SLC38A9: variants seen among roughly 807,000 people sequenced by gnomAD.
The protein encoded by SLC38A9 is neutral amino acid transporter 9.
In SLC38A9, 48 loss-of-function variants were observed where a neutral mutation model predicts 62.3. The observed-to-expected ratio is 0.77, with a 90% CI of 0.61 to 0.98. SLC38A9 has a LOEUF of 0.98. Ranked by LOEUF, SLC38A9 falls within the 50% of genes least tolerant of loss-of-function variation. SLC38A9 has a pLI of 0.00. For missense variants in SLC38A9, 541 were observed against 679.8 expected (o/e 0.80, Z 2.27); for synonymous variants, 204 against 227.7 (o/e 0.90, Z 0.94).
In SLC38A9 at chr5:55,656,708, T is replaced by C; in HGVS notation, c.757+7A>G. ...TAAAGAAACAAACAACATCCCAAAC[T>C]ACTTACCAGGGTTGCTATTATTGGT... On this transcript the variant is annotated splice_region_variant and intron_variant, in intron 9 of 15. Coordinates refer to ENST00000396865, the MANE Select transcript of SLC38A9 (RefSeq NM_173514.4). 1.3e-6 allele frequency: 2 copies of C among 1,589,224 alleles called. No homozygotes were observed. Among genetic ancestry groups the C allele is most frequent in the East Asian group, 2.2e-5 (1 of 44,644 alleles).
intron 7 of SLC38A9, among the ~76,000 whole-genome samples, chr5:55,667,968 C>T (rs949408461): frequency 2.0e-5 from 3 of 152,068 alleles, no homozygotes; most frequent in East Asian, 1.9e-4. Flanking sequence ...CCCAGTAGTT[C>T]GAGACCAACT....
chr5:55,682,800 A>G (rs1478334661), intron 3 of SLC38A9, among the ~76,000 whole-genome samples: 1 of 152,164 alleles, frequency 6.6e-6, no homozygotes, highest in African/African-American at 2.4e-5. Flanking sequence ...ATACACATAA[A>G]ATTAAGTATT....
At chr5:55,633,510 T>A in intron 14 of SLC38A9, 1 of 419,022 alleles carries the variant, frequency 2.4e-6, no homozygotes. Context: ...AATAATAAGA[T>A]AAATATAAAT....
intron 3 of SLC38A9, among the ~76,000 whole-genome samples, chr5:55,690,821 A>C (rs566441654): frequency 6.6e-6 from 1 of 152,326 alleles, no homozygotes; most frequent in South Asian, 2.1e-4. Flanking sequence ...GTGGAGTTAG[A>C]GATGTCTTAA....
chr5:55,697,395 T>A lies in SLC38A9; in HGVS notation c.113+451A>T, dbSNP rs990314319. ...TTGAATTCTCTTACTGTTTATAATT[T>A]TTTTGTGGATTCTTTTGGGTTTTAC... On this transcript the variant is annotated intron_variant, in intron 3 of 15. Transcript: ENST00000396865. Among the ~76,000 whole-genome samples, 4 of 152,212 alleles carry A rather than the reference T, an allele frequency of 2.6e-5. 1 individual carries two copies. The highest frequency in any genetic ancestry group is 9.6e-5 in the African/African-American group (4 of 41,454).
intron 14 of SLC38A9, among the ~76,000 whole-genome samples, chr5:55,629,311 A>G (rs576506985): frequency 1.4e-4 from 22 of 152,244 alleles, no homozygotes; most frequent in Middle Eastern, 3.4e-3. Flanking sequence ...TTCTGGGCTC[A>G]AACCAACCTC....
At chr5:55,677,183 A>G (rs951710856) in intron 3 of SLC38A9, among the ~76,000 whole-genome samples, 5 of 152,252 alleles carry the variant, frequency 3.3e-5, no homozygotes, top group African/African-American at 1.2e-4. Context: ...AAGTGTAACA[A>G]TGTTTAGAAA....
chr5:55,680,161 A>G (rs940205841), intron 3 of SLC38A9, among the ~76,000 whole-genome samples: 10 of 152,290 alleles, frequency 6.6e-5, no homozygotes, highest in African/African-American at 2.2e-4. Context: ...AAAATTTCCT[A>G]TCCTTAAAAA....
At chr5:55,632,484 T>A (rs764373299) in intron 14 of SLC38A9, among the ~76,000 whole-genome samples, 16 of 152,082 alleles carry the variant, frequency 1.1e-4, no homozygotes, top group Non-Finnish European at 2.2e-4. Context: ...GCATAAATGT[T>A]AATGAATATA....
chr5:55,701,928 G>A (rs66899129), intron 2 of SLC38A9, among the ~76,000 whole-genome samples: 5,952 of 152,190 alleles, frequency 0.039, 157 homozygotes, highest in African/African-American at 0.083. Context: ...TGTCTTTCCT[G>A]TTCTTTGTCA....
intron 12 of SLC38A9, among the ~76,000 whole-genome samples, chr5:55,638,188 AG>A (rs1744775131): frequency 1.3e-5 from 2 of 152,206 alleles, no homozygotes; most frequent in Non-Finnish European, 2.9e-5. Flanking sequence ...TTATAAAAGC[AG>A]CTGAGGTTTA....
chr5:55,701,727 G>A (rs1756673914), intron 2 of SLC38A9, among the ~76,000 whole-genome samples: 2 of 152,104 alleles, frequency 1.3e-5, no homozygotes, highest in South Asian at 4.1e-4. Context: ...GAAATAAATA[G>A]GTTTTAACAT....
chr5:55,652,632 C>G lies in SLC38A9; in HGVS notation c.849G>C (p.Lys283Asn). Residue 283 changes from lysine (K) to asparagine (N), a missense_variant, in exon 10 of 16, where the codon AAG (lysine) becomes AAC (asparagine). By Grantham distance (94) the Lys-to-Asn change is moderately conservative. Coordinates refer to ENST00000396865, the MANE Select transcript of SLC38A9 (RefSeq NM_173514.4). ...GGACTGTCCTGGACTTATCCCACCA[C>G]TTTTCAAACTGTTGGGCTCCTGTGT... ...ANDTGAQQFE[K>N]WWDKSRTVPF... The G allele has an allele frequency of 6.2e-7, 1 of 1,613,850 alleles. No homozygotes were observed. Among genetic ancestry groups the G allele is most frequent in the Non-Finnish European group, 8.5e-7 (1 of 1,179,822 alleles).
intron 10 of SLC38A9, 104 bp downstream of exon 10, chr5:55,652,425 G>A (rs570426490): frequency 1.2e-4 from 48 of 397,588 alleles, no homozygotes; most frequent in African/African-American, 9.7e-4. Flanking sequence ...ATTAAACACA[G>A]ATGAACAGGC....
chr5:55,648,886 G>T (rs7703678), intron 11 of SLC38A9, among the ~76,000 whole-genome samples: 90,423 of 151,948 alleles, frequency 0.6, 27,575 homozygotes, highest in South Asian at 0.7. Flanking sequence ...CAATAAAAAT[G>T]TTTAATTAAA....
Position 55,635,399 on chromosome 5 carries a change from T to G in SLC38A9, c.1281+145A>C, listed in dbSNP as rs749883178. 1.3e-5 allele frequency: 9 copies of G among 697,740 alleles called. No homozygotes were observed. In the South Asian group the frequency reaches 1.4e-4, roughly 11 times the overall value. The allele number at this position is 697,740 out of a possible 1,614,324, so 43.2% of individuals were successfully genotyped here. A position where few individuals can be genotyped will look rare whatever the true frequency, so the allele number is the denominator to read the frequency against. ...GCTCAGAAAGAAAAGGGAAGGTGCCTAAATTCCCATACTTGGAGTAGATAG... is the reference window on the plus strand; with the variant it reads ...GCTCAGAAAGAAAAGGGAAGGTGCCGAAATTCCCATACTTGGAGTAGATAG... On this transcript the variant is annotated intron_variant, in intron 13 of 15. Transcript: ENST00000396865.
At chr5:55,639,846 TA>T (rs1745120719) in intron 12 of SLC38A9, among the ~76,000 whole-genome samples, 1 of 152,092 alleles carries the variant, frequency 6.6e-6, no homozygotes. Context: ...TCATAAATGT[TA>T]GCTTTATCCT....
chr5:55,706,727 G>C (rs566414028), intron 2 of SLC38A9, among the ~76,000 whole-genome samples: 5 of 152,100 alleles, frequency 3.3e-5, no homozygotes, highest in Non-Finnish European at 7.3e-5. Flanking sequence ...AAGAAAACTG[G>C]TAATTTGCAG....
chr5:55,710,661 G>A (rs960720092), intron 2 of SLC38A9, among the ~76,000 whole-genome samples: 2 of 151,934 alleles, frequency 1.3e-5, no homozygotes, highest in Non-Finnish European at 2.9e-5. Flanking sequence ...CTGTCACCAG[G>A]CTGGAGTGCG....
Sources: allele counts gnomAD v4.1 joint callset (sites outside exome capture counted in the v4.1 genomes callset), GRCh38; gene constraint gnomAD v4.1.1; transcripts MANE v1.5; gene names NCBI Gene and HGNC (gene_info 2026-07-23, HGNC 2026-07-21).